Variants in C8orf76 observed in about 807,000 individuals in gnomAD.
C8orf76 encodes the protein chromosome 8 open reading frame 76, also known as uncharacterized protein C8orf76.
A neutral mutation model predicts 38.1 loss-of-function variants in C8orf76; 46 were observed. The observed-to-expected ratio is 1.21, with a 90% CI of 0.95 to 1.54. The LOEUF is 1.54. C8orf76 is among the 40% of genes most tolerant of loss of function. The pLI is 0.00. For synonymous variants in C8orf76, 166 were observed against 167.5 expected (o/e 0.99, Z 0.07); for missense variants, 461 against 441.6 (o/e 1.04, Z -0.39).
At chr8:123,225,099 G>A (rs1018772695) in intron 5 of C8orf76, among the ~76,000 whole-genome samples, 1 of 152,064 alleles carries the variant, frequency 6.6e-6, no homozygotes, top group Admixed American at 6.6e-5. Context: ...TCCACCTCCC[G>A]GGTTCAAGCA....
intron 3 of C8orf76, chr8:123,236,783 CAAAA>C (rs34417634): frequency 2.5e-4 from 100 of 405,194 alleles, no homozygotes; most frequent in East Asian, 4.1e-4. Flanking sequence ...GACTCTGTCT[CAAAA>C]AAAAAAAAAA....
In C8orf76 at chr8:123,222,044, A is replaced by G. The variant is rs565320123; in HGVS notation, c.949-1747T>C. On this transcript the variant is annotated intron_variant, in intron 5 of 5. Transcript: ENST00000276704. ...CACTCTGTCGCCCAGACTGGAGTGC[A>G]GTGGTGCAATCTTGGCTCACTGCAA... 3.3e-5 allele frequency among the ~76,000 whole-genome samples: 5 copies of G among 152,240 alleles called. No homozygotes were observed. In the South Asian group the frequency reaches 8.3e-4, roughly 25 times the overall value.
At chr8:123,224,731 C>T (rs558757731) in intron 5 of C8orf76, among the ~76,000 whole-genome samples, 2 of 152,346 alleles carry the variant, frequency 1.3e-5, no homozygotes, top group South Asian at 2.1e-4. Flanking sequence ...ATTGTCTACA[C>T]AGGAAACTAC....
intron 1 of C8orf76, 91 bp from the exon 2 acceptor site, chr8:123,239,235 C>T (rs1166845316): frequency 2.6e-5 from 37 of 1,397,498 alleles, no homozygotes; most frequent in South Asian, 4.8e-5. Flanking sequence ...ATTGATTAAA[C>T]GTCAAAAAAA....
chr8:123,225,447 C>T (rs1308470546), intron 5 of C8orf76, among the ~76,000 whole-genome samples: 13 of 152,148 alleles, frequency 8.5e-5, no homozygotes, highest in African/African-American at 3.1e-4. Context: ...AGTAATCAAC[C>T]CAGAGGTGAC....
intron 4 of C8orf76, among the ~76,000 whole-genome samples, chr8:123,229,552 C>T (rs1453014285): frequency 6.6e-6 from 1 of 152,188 alleles, no homozygotes; most frequent in Non-Finnish European, 1.5e-5. Context: ...CTGGCAGTTA[C>T]AGGCTAGACA....
At position 123,231,401 on chromosome 8, in the gene C8orf76, A is replaced by G; in HGVS notation, c.714T>C (p.Asn238=). Residue 238 remains asparagine, a synonymous_variant, in exon 4 of 6, where the codon AAT becomes AAC. Coordinates refer to ENST00000276704, the MANE Select transcript of C8orf76 (RefSeq NM_032847.3). ...TTTGGATATTTGTCAGAGCTTTCTC[A>G]TTTTTCTGGCTATTACTGCTATTCG... The part of the protein sequence containing the change: ...VEANSSNSQK[N]EKALTNIQNC... 1 of 1,614,132 alleles carries G rather than the reference A, an allele frequency of 6.2e-7. No individual in the cohort carries two copies. The highest frequency in any genetic ancestry group is 8.5e-7 in the Non-Finnish European group (1 of 1,180,040).
intron 3 of C8orf76, among the ~76,000 whole-genome samples, chr8:123,232,624 G>A (rs921246439): frequency 6.6e-6 from 1 of 152,218 alleles, no homozygotes; most frequent in African/African-American, 2.4e-5. Flanking sequence ...ACTACCTGGT[G>A]TACGGCCCCA....
At chr8:123,239,727 A>G (rs1825618074) in intron 1 of C8orf76, 1 of 152,050 alleles carries the variant, frequency 6.6e-6, no homozygotes, top group African/African-American at 2.4e-5. Flanking sequence ...AGTGGCTTAC[A>G]CCTGTAATCC....
In C8orf76 at chr8:123,237,793, C is replaced by A; in HGVS notation, c.357+5G>T. ...TGTGTGAAAATAAGCAATAAAATCA[C>A]TCACCAAGTTTGCAGCAATCTCCAG... On this transcript the variant is annotated splice_donor_5th_base_variant and intron_variant, in intron 3 of 5. Transcript: ENST00000276704. The A allele has an allele frequency of 6.2e-7, 1 of 1,609,084 alleles. No individual in the cohort carries two copies. Among genetic ancestry groups the A allele is most frequent in the South Asian group, 1.1e-5 (1 of 89,832 alleles).
At position 123,241,168 on chromosome 8, in the gene C8orf76, G is replaced by A. The variant is rs961909107; in HGVS notation, c.117+62C>T. 3 of 1,464,616 alleles carry A rather than the reference G, an allele frequency of 2.0e-6. No homozygotes were observed. In the African/African-American group the frequency reaches 4.5e-5, roughly 22 times the overall value. 90.7% of individuals were successfully genotyped at this position (1,464,616 alleles called of 1,614,324 possible). The stretch of plus-strand genomic sequence containing the variant: ...GGACGGAGGGGCCGAGGCCGGGGCC[G>A]GGGCCCCGCGGAGGGCGAGGCCTGG... On this transcript the variant is annotated intron_variant, in intron 1 of 5. Coordinates refer to ENST00000276704, the MANE Select transcript of C8orf76 (RefSeq NM_032847.3).
In C8orf76 at chr8:123,241,360, C is replaced by CG. The variant is rs889536526; in HGVS notation, c.-15dup. 5 of 1,544,612 alleles carry CG rather than the reference C, an allele frequency of 3.2e-6. No individual in the cohort carries two copies. Among genetic ancestry groups the CG allele is most frequent in the Admixed American group, 4.3e-5 (2 of 46,062 alleles). Reference sequence around the variant, plus strand: ...CCCGGAATCCATCTCGCGCCCGCGGCGGGGGCAACGAGGAAGCGGGGCCCG... The same window carrying CG: ...CCCGGAATCCATCTCGCGCCCGCGGCGGGGGGCAACGAGGAAGCGGGGCCCG... On this transcript the variant is annotated 5_prime_UTR_variant, in exon 1 of 6. Transcript: ENST00000276704.
intron 3 of C8orf76, among the ~76,000 whole-genome samples, chr8:123,233,449 C>T (rs532945461): frequency 7.2e-5 from 11 of 152,132 alleles, no homozygotes; most frequent in Non-Finnish European, 1.5e-4. Context: ...GGCTGGAGTG[C>T]AGTGGCGTGA....
intron 1 of C8orf76, among the ~76,000 whole-genome samples, chr8:123,240,887 T>C (rs1428830311): frequency 6.6e-6 from 1 of 152,128 alleles, no homozygotes; most frequent in African/African-American, 2.4e-5. Flanking sequence ...GGTCACCGTT[T>C]TGGGAGGCCT....
intron 5 of C8orf76, among the ~76,000 whole-genome samples, chr8:123,220,978 T>C (rs1032580251): frequency 6.6e-6 from 1 of 152,198 alleles, no homozygotes; most frequent in African/African-American, 2.4e-5. Context: ...ATACCATCTG[T>C]CACGAAAGCT....
At chr8:123,237,732 C>A (rs1256583395) in intron 3 of C8orf76, 66 bp downstream of exon 3, 8 of 1,509,392 alleles carry the variant, frequency 5.3e-6, no homozygotes, top group Middle Eastern at 1.8e-4. Context: ...GTTTTGTTTT[C>A]AAAAAATACA....
chr8:123,226,290 T>A, intron 5 of C8orf76: 3 of 1,395,698 alleles, frequency 2.1e-6, no homozygotes, highest in Non-Finnish European at 2.8e-6. Flanking sequence ...GACAAGTACA[T>A]GAAACACAGC....
At chr8:123,226,417 C>A in intron 5 of C8orf76, 83 bp downstream of exon 5, 2 of 1,567,040 alleles carry the variant, frequency 1.3e-6, no homozygotes, top group Middle Eastern at 1.7e-4. Context: ...TTAAATTTGG[C>A]CCTGCTTTAT....
At position 123,225,659 on chromosome 8, in the gene C8orf76, GC is replaced by G. The variant is rs371846496; in HGVS notation, c.948+840del. The stretch of plus-strand genomic sequence containing the variant: ...TAAAAGGAAGAGATCAGGCATGGTG[GC>G]CCAGGCCTGTAATCCCAGCACTTTG... On this transcript the variant is annotated intron_variant, in intron 5 of 5. Coordinates refer to ENST00000276704, the MANE Select transcript of C8orf76 (RefSeq NM_032847.3). Among the ~76,000 whole-genome samples the G allele has an allele frequency of 6.4e-3, 974 of 152,276 alleles. 17 individuals are homozygous for G. The highest frequency in any genetic ancestry group is 0.023 in the African/African-American group (938 of 41,556).
Sources: allele counts gnomAD v4.1 joint callset (sites outside exome capture counted in the v4.1 genomes callset), GRCh38; gene constraint gnomAD v4.1.1; transcripts MANE v1.5; gene names NCBI Gene and HGNC (gene_info 2026-07-23, HGNC 2026-07-21).